Variants in FER observed in about 807,000 individuals in gnomAD.
FER encodes FER tyrosine kinase.
FER carries 63 observed loss-of-function variants against 111.0 expected under a neutral mutation model. That is an observed-to-expected ratio of 0.57 (90% CI 0.46 to 0.70). FER has a LOEUF of 0.70. FER is among the 30% of genes least tolerant of loss of function. FER has a pLI of 0.00. For synonymous variants in FER, 327 were observed against 313.9 expected, an observed-to-expected ratio of 1.04 and a Z score of -0.44; for missense variants, 914 against 954.0, an observed-to-expected ratio of 0.96 and a Z score of 0.55.
At chr5:108,831,231 A>T (rs548909835) in intron 3 of FER, among the ~76,000 whole-genome samples, 34 of 152,320 alleles carry the variant, frequency 2.2e-4, no homozygotes, top group African/African-American at 7.9e-4. Flanking sequence ...TTTTTTGAAG[A>T]TACAGCAAGA....
chr5:108,884,333 C>T (rs371654365), intron 9 of FER, among the ~76,000 whole-genome samples: 3 of 151,624 alleles, frequency 2.0e-5, no homozygotes, highest in Non-Finnish European at 4.4e-5. Context: ...GATTACTTAT[C>T]TCCCTCATCA....
At chr5:108,878,166 C>G (rs1189162827) in intron 8 of FER, among the ~76,000 whole-genome samples, 1 of 152,132 alleles carries the variant, frequency 6.6e-6, no homozygotes, top group Non-Finnish European at 1.5e-5. Flanking sequence ...CGCAGCCTCC[C>G]AAAGTGCTGC....
chr5:109,175,545 T>A (rs941995528), intron 17 of FER, among the ~76,000 whole-genome samples: 10 of 152,024 alleles, frequency 6.6e-5, no homozygotes, highest in Non-Finnish European at 8.8e-5. Flanking sequence ...TAGGCAAAGG[T>A]TTTATGGCTA....
At chr5:109,092,142 T>C (rs1746856024) in intron 16 of FER, among the ~76,000 whole-genome samples, 1 of 151,882 alleles carries the variant, frequency 6.6e-6, no homozygotes, top group African/African-American at 2.4e-5. Context: ...GACCTAAATG[T>C]AAGATCTGAA....
intron 2 of FER, among the ~76,000 whole-genome samples, chr5:108,772,016 G>T (rs1752951527): frequency 1.3e-5 from 2 of 152,140 alleles, no homozygotes; most frequent in African/African-American, 4.8e-5. Flanking sequence ...ACACCAGCAG[G>T]TTTAGTGTCT....
intron 16 of FER, among the ~76,000 whole-genome samples, chr5:109,073,486 C>CT (rs1775992706): frequency 6.6e-6 from 1 of 152,096 alleles, no homozygotes; most frequent in African/African-American, 2.4e-5. Flanking sequence ...TTGATCCTAG[C>CT]TAAGGGGCCG....
chr5:109,061,680 T>G (rs1368714324), intron 16 of FER, among the ~76,000 whole-genome samples: 1 of 152,180 alleles, frequency 6.6e-6, no homozygotes, highest in Non-Finnish European at 1.5e-5. Context: ...GATAAATAAA[T>G]AGCTCGTTTC....
intron 1 of FER, among the ~76,000 whole-genome samples, chr5:108,754,277 G>A (rs183997612): frequency 3.1e-4 from 47 of 151,956 alleles, no homozygotes; most frequent in Admixed American, 2.8e-3. Flanking sequence ...CCGATATGAT[G>A]GCATGTGCTT....
At chr5:108,979,190 C>G (rs996107098) in intron 13 of FER, among the ~76,000 whole-genome samples, 3 of 152,110 alleles carry the variant, frequency 2.0e-5, no homozygotes, top group Non-Finnish European at 4.4e-5. Flanking sequence ...ATATTCTTTC[C>G]TGTAAAGTTC....
intron 17 of FER, among the ~76,000 whole-genome samples, chr5:109,129,885 A>C (rs1253788781): frequency 6.6e-6 from 1 of 152,038 alleles, no homozygotes; most frequent in Non-Finnish European, 1.5e-5. Context: ...TATAATGACA[A>C]ATTTTTGGGA....
intron 13 of FER, among the ~76,000 whole-genome samples, chr5:109,034,764 CA>C (rs1328956708): frequency 2.0e-5 from 3 of 152,056 alleles, no homozygotes; most frequent in Non-Finnish European, 4.4e-5. Context: ...CCTAGGTTAT[CA>C]TTGTCTAAAG....
chr5:109,089,372 A>G (rs932200936), intron 16 of FER, among the ~76,000 whole-genome samples: 1 of 152,198 alleles, frequency 6.6e-6, no homozygotes, highest in African/African-American at 2.4e-5. Context: ...CTGAAGTACA[A>G]AGGGCTGACT....
chr5:109,129,852 T>C (rs1307665240), intron 17 of FER, among the ~76,000 whole-genome samples: 1 of 152,070 alleles, frequency 6.6e-6, no homozygotes, highest in African/African-American at 2.4e-5. Flanking sequence ...TGTGTGTTTT[T>C]AGTTGCCCAT....
At chr5:109,047,018 A>G (rs1001262707) in intron 15 of FER, 86 bp from the exon 16 acceptor site, 38 of 652,224 alleles carry the variant, frequency 5.8e-5, no homozygotes, top group Non-Finnish European at 9.5e-5. Flanking sequence ...ATTCAAGAGT[A>G]TTCTAGTTGT....
chr5:109,089,433 T>G (rs866473782), intron 16 of FER, among the ~76,000 whole-genome samples: 33 of 152,180 alleles, frequency 2.2e-4, no homozygotes, highest in Admixed American at 2.6e-4. Flanking sequence ...GTAAGAAATG[T>G]GAAAATGATG....
rs1267196966 is a variant in FER at position 108,861,444 on chromosome 5, C to T, written c.482-6323C>T. Among the ~76,000 whole-genome samples, 3 of 152,054 alleles carry T rather than the reference C, an allele frequency of 2.0e-5. No individual in the cohort carries two copies. In the South Asian group the frequency reaches 6.2e-4, roughly 32 times the overall value. The stretch of plus-strand genomic sequence containing the variant: ...AAATAGATTTGTCAACAAGTTGTGG[C>T]AAACAAATTATAATTTAATCTCTTT... On this transcript the variant is annotated intron_variant, in intron 5 of 19. Coordinates refer to ENST00000281092, the MANE Select transcript of FER (RefSeq NM_005246.4).
At chr5:108,827,814 G>A (rs1759625184) in intron 3 of FER, among the ~76,000 whole-genome samples, 1 of 130,632 alleles carries the variant, frequency 7.7e-6, no homozygotes, top group Non-Finnish European at 1.6e-5. Flanking sequence ...AACAGATGGA[G>A]TTAGTATCTT....
At chr5:108,787,859 T>A (rs1252133191) in intron 2 of FER, among the ~76,000 whole-genome samples, 1 of 152,206 alleles carries the variant, frequency 6.6e-6, no homozygotes, top group African/African-American at 2.4e-5. Context: ...CTGAGAGCCA[T>A]TCTGTCGCTC....
chr5:109,058,724 C>CTTTTTTTTTTTTTTTTTTTTTTT (rs746184286), intron 16 of FER, among the ~76,000 whole-genome samples: 8 of 76,256 alleles, frequency 1.0e-4, no homozygotes, highest in African/African-American at 2.3e-4. Context: ...TTCTTTCTTT[C>CTTTTTTTTTTTTTTTTTTTTTTT]TTTTTTTTTT....
Sources: allele counts gnomAD v4.1 joint callset (sites outside exome capture counted in the v4.1 genomes callset), GRCh38; gene constraint gnomAD v4.1.1; transcripts MANE v1.5; gene names NCBI Gene and HGNC (gene_info 2026-07-23, HGNC 2026-07-21).